The following SMC2 variants were observed in gnomAD, a reference collection of about 807,000 sequenced individuals.
SMC2 encodes the protein structural maintenance of chromosomes 2, also known as structural maintenance of chromosomes protein 2.
In SMC2, 41 loss-of-function variants were observed where a neutral mutation model predicts 142.6. The ratio of observed to expected loss-of-function variants is 0.29; its 90% CI spans 0.22 to 0.37. The LOEUF (loss-of-function observed/expected upper bound fraction) is 0.37, where lower values mean the gene tolerates loss of function less well. Ranked by LOEUF, SMC2 falls within the 10% of genes least tolerant of loss-of-function variation. SMC2 has a pLI of 1.00. For synonymous variants in SMC2, 463 were observed against 457.5 expected (o/e 1.01, Z -0.15); for missense variants, 1,265 against 1,373.7 (o/e 0.92, Z 1.25).
In SMC2 at chr9:104,102,179, A is replaced by G; in HGVS notation, c.856A>G (p.Lys286Glu). ...TAATCATGAAATAGAAGAATTGGAA[A>G]AAAGAAAAGATAAGGTCTGAACATA... ...ALNHEIEELE[K>E]RKDKETGGIL... is the part of the protein sequence containing the mutation. Residue 286 changes from lysine (K) to glutamate (E), a missense_variant, in exon 8 of 25, where the codon AAA becomes GAA. Coordinates refer to ENST00000374793, the MANE Select transcript of SMC2 (RefSeq NM_006444.3). 6.5e-7 allele frequency: 1 copy of G among 1,540,160 alleles called. No individual in the cohort carries two copies. Among genetic ancestry groups the G allele is most frequent in the Non-Finnish European group, 8.9e-7 (1 of 1,121,804 alleles).
At position 104,134,412 on chromosome 9, in the gene SMC2, C is replaced by T; in HGVS notation, c.3109-3C>T. On this transcript the variant is annotated splice_polypyrimidine_tract_variant and splice_region_variant and intron_variant, in intron 22 of 24. Coordinates refer to ENST00000374793, the MANE Select transcript of SMC2 (RefSeq NM_006444.3). The stretch of plus-strand genomic sequence containing the variant: ...TTTTAACTTTTTTATTTTTTAAATC[C>T]AGGTGAACAAGGACTTTGGGTCTAT... 1.3e-6 allele frequency: 2 copies of T among 1,560,782 alleles called. No homozygotes were observed. The highest frequency in any genetic ancestry group is 8.6e-7 in the Non-Finnish European group (1 of 1,157,826).
chr9:104,103,350 T>C (rs1831378360), intron 9 of SMC2, among the ~76,000 whole-genome samples: 1 of 152,166 alleles, frequency 6.6e-6, no homozygotes, highest in Admixed American at 6.5e-5. Flanking sequence ...AGATAACTTT[T>C]TGAGAAGTTT....
At chr9:104,136,500 A>T (rs1035664392) in intron 23 of SMC2, among the ~76,000 whole-genome samples, 1 of 152,010 alleles carries the variant, frequency 6.6e-6, no homozygotes, top group Admixed American at 6.6e-5. Context: ...TCTTACTGGG[A>T]CCTATAAATT....
rs76024304 is a variant in SMC2, at chr9:104,108,383, G to A, written c.1021-3198G>A. ...GTCCCTTTATCAAACAAACACTTCA[G>A]CCAGGCTGCATAAGCCTTTCCTGGA... On this transcript the variant is annotated intron_variant, in intron 9 of 24. Transcript: ENST00000374793. Among the ~76,000 whole-genome samples the A allele has an allele frequency of 5.5e-3, 831 of 152,248 alleles. 2 individuals are homozygous for A. Among genetic ancestry groups the A allele is most frequent in the East Asian group, 0.015 (79 of 5,170 alleles).
chr9:104,113,297 T>G lies in SMC2; in HGVS notation c.1255-19T>G. Reference sequence around the variant, plus strand: ...TCTGCCTCATACATCCTATGGTCTGTTGCATTTTTCTGCCACAGGCTCAGA... The same window carrying G: ...TCTGCCTCATACATCCTATGGTCTGGTGCATTTTTCTGCCACAGGCTCAGA... On this transcript the variant is annotated intron_variant, in intron 10 of 24. Coordinates refer to ENST00000374793, the MANE Select transcript of SMC2 (RefSeq NM_006444.3). 6.3e-7 allele frequency: 1 copy of G among 1,593,472 alleles called. No homozygotes were observed. Among genetic ancestry groups the G allele is most frequent in the Non-Finnish European group, 8.5e-7 (1 of 1,171,576 alleles).
chr9:104,109,465 A>G (rs1032122462), intron 9 of SMC2, among the ~76,000 whole-genome samples: 1 of 152,200 alleles, frequency 6.6e-6, no homozygotes, highest in African/African-American at 2.4e-5. Flanking sequence ...GGCTACTGCG[A>G]TAATGTTCTT....
intron 3 of SMC2, 85 bp from the exon 4 acceptor site, chr9:104,098,361 A>C: frequency 8.6e-7 from 1 of 1,160,280 alleles, no homozygotes; most frequent in Admixed American, 3.0e-5. Context: ...AGACAGAACA[A>C]ATAAACGTAA....
In SMC2 at chr9:104,126,693, CT is replaced by C; in HGVS notation, c.2506del (p.Tyr836ThrfsTer8). On this transcript the variant is annotated frameshift_variant, in exon 19 of 25. Transcript: ENST00000374793. LOFTEE classifies it high-confidence loss of function. ...GAAGAGCTCAAGAGAGAGCATACATCTTACAAACAACAGCTTGAAGCTGTAA... is the reference window on the plus strand; with the variant it reads ...GAAGAGCTCAAGAGAGAGCATACATCTACAAACAACAGCTTGAAGCTGTAA... ...ELEELKREHTSYKQQLEAVNE... is the reference protein window; with the variant it reads ...ELEELKREHTXYKQQLEAVNE... The C allele has an allele frequency of 1.9e-6, 3 of 1,612,722 alleles. No homozygotes were observed. The highest frequency in any genetic ancestry group is 2.5e-6 in the Non-Finnish European group (3 of 1,179,474).
intron 14 of SMC2, 76 bp from the exon 15 acceptor site, chr9:104,118,095 T>C (rs1833332940): frequency 1.7e-6 from 2 of 1,146,988 alleles, no homozygotes; most frequent in African/African-American, 3.1e-5. Flanking sequence ...TACAGCAGTT[T>C]TTACTGGTTT....
chr9:104,125,632 TATCAGAGATTCAGCAAGTTGAC>T (rs1446466569), intron 18 of SMC2, among the ~76,000 whole-genome samples: 1 of 152,126 alleles, frequency 6.6e-6, no homozygotes, highest in Non-Finnish European at 1.5e-5. Flanking sequence ...CTGGATGTCA[TATCAGAGATTCAGCAAGTTGAC>T]ATTTTTATTT....
In SMC2 at chr9:104,096,128, C is replaced by A. The variant is rs758419654; in HGVS notation, c.169-20C>A. 1 of 1,607,210 alleles carries A rather than the reference C, an allele frequency of 6.2e-7. No homozygotes were observed. Among genetic ancestry groups the A allele is most frequent in the Non-Finnish European group, 8.5e-7 (1 of 1,177,354 alleles). On this transcript the variant is annotated intron_variant, in intron 2 of 24. Coordinates refer to ENST00000374793, the MANE Select transcript of SMC2 (RefSeq NM_006444.3). ...GGTAGGGAGTTTTGTAATTGTTACA[C>A]TTTTCATATTTTATTTTAGGTTCGG...
chr9:104,118,381 T>A lies in SMC2; in HGVS notation c.1996+6T>A. On this transcript the variant is annotated splice_donor_region_variant and intron_variant, in intron 15 of 24. Coordinates refer to ENST00000374793, the MANE Select transcript of SMC2 (RefSeq NM_006444.3). The stretch of plus-strand genomic sequence containing the variant: ...TCATGGGACATTGAGTGGAGGTAAG[T>A]TTTATATCCTTTTCTCCTCACAATT... 1 of 1,605,120 alleles carries A rather than the reference T, an allele frequency of 6.2e-7. No homozygotes were observed. Among genetic ancestry groups the A allele is most frequent in the Non-Finnish European group, 8.5e-7 (1 of 1,173,294 alleles).
rs980712337 is a variant in SMC2, at chr9:104,140,644, G to T, written c.*1329G>T. 1.3e-5 allele frequency: 2 copies of T among 152,570 alleles called. No individual in the cohort carries two copies. Among genetic ancestry groups the T allele is most frequent in the African/African-American group, 4.8e-5 (2 of 41,428 alleles). 9.5% of individuals were successfully genotyped at this position (152,570 alleles called of 1,614,324 possible). A position where few individuals can be genotyped will look rare whatever the true frequency, so the allele number is the denominator to read the frequency against. ...GACACATTGGAAAGGATTGAATCTG[G>T]AATTAGTTCTGTCCACTGTGGAGGG... is the stretch of plus-strand genomic sequence containing the variant. On this transcript the variant is annotated 3_prime_UTR_variant, in exon 25 of 25. Transcript: ENST00000374793.
chr9:104,129,897 G>A (rs776397875), intron 21 of SMC2, 52 bp downstream of exon 21: 15 of 1,366,262 alleles, frequency 1.1e-5, no homozygotes, highest in Non-Finnish European at 1.5e-5. Flanking sequence ...GACTAGCATT[G>A]ACAGCTCTGT....
chr9:104,104,122 C>T (rs2122580), intron 9 of SMC2, among the ~76,000 whole-genome samples: 7,601 of 152,132 alleles, frequency 0.05, 624 homozygotes, highest in African/African-American at 0.17. Flanking sequence ...CTTTTATAAA[C>T]TCTCACGCCA....
rs781602877 is a variant in SMC2, at chr9:104,095,523, T to G, written c.139T>G (p.Phe47Val). 2.5e-6 allele frequency: 4 copies of G among 1,614,100 alleles called. No homozygotes were observed. Among genetic ancestry groups the G allele is most frequent in the Non-Finnish European group, 3.4e-6 (4 of 1,179,944 alleles). The stretch of plus-strand genomic sequence containing the variant: ...ATCCAACATATTGGACTCCATCTGC[T>G]TTTTGCTGGGCATCTCCAACCTGTC... Reference protein sequence around the residue: ...GKSNILDSICFLLGISNLSQV... With the variant: ...GKSNILDSICVLLGISNLSQV... Residue 47 changes from phenylalanine (F) to valine (V), a missense_variant, in exon 2 of 25, where the codon TTT (phenylalanine) becomes GTT (valine). Physicochemically the swap from Phe to Val is conservative, Grantham distance 50. Coordinates refer to ENST00000374793, the MANE Select transcript of SMC2 (RefSeq NM_006444.3).
intron 9 of SMC2, among the ~76,000 whole-genome samples, chr9:104,104,947 A>G (rs1327971143): frequency 1.3e-5 from 2 of 152,298 alleles, no homozygotes; most frequent in East Asian, 1.9e-4. Flanking sequence ...CCAGGTATGA[A>G]GTTGTTAAAG....
chr9:104,136,268 T>C (rs916053221), intron 23 of SMC2, among the ~76,000 whole-genome samples: 5 of 152,140 alleles, frequency 3.3e-5, no homozygotes, highest in African/African-American at 9.6e-5. Flanking sequence ...TTAGAAAATA[T>C]TGACACCTGT....
chr9:104,098,441 T>C lies in SMC2; in HGVS notation c.319-5T>C, dbSNP rs1458081105. Reference sequence around the variant, plus strand: ...TAATATTTAAAAAATTGCTTTCTTTTATAGGTGGTTATTGGTGGTAGAAAT... The same window carrying C: ...TAATATTTAAAAAATTGCTTTCTTTCATAGGTGGTTATTGGTGGTAGAAAT... On this transcript the variant is annotated splice_region_variant and splice_polypyrimidine_tract_variant and intron_variant, in intron 3 of 24. Transcript: ENST00000374793. The C allele has an allele frequency of 6.3e-7, 1 of 1,577,852 alleles. No homozygotes were observed. Among genetic ancestry groups the C allele is most frequent in the African/African-American group, 1.4e-5 (1 of 72,500 alleles).
Sources: gnomAD v4.1 joint callset for allele counts (sites outside exome capture counted in the v4.1 genomes callset) on GRCh38, gnomAD v4.1.1 for gene constraint, MANE v1.5 for transcripts, NCBI Gene and HGNC (gene_info 2026-07-23, HGNC 2026-07-21) for gene names.